The following GRID1 variants were observed in gnomAD, a reference collection of about 807,000 sequenced individuals.
GRID1 encodes glutamate receptor ionotropic, delta-1.
Under a neutral mutation model 98.0 loss-of-function variants are expected in GRID1, and 28 were observed. That is an observed-to-expected ratio of 0.29 (90% CI 0.21 to 0.39). The LOEUF (loss-of-function observed/expected upper bound fraction) is 0.39. Ranked by LOEUF, GRID1 falls within the 10% of genes least tolerant of loss-of-function variation. The probability of loss-of-function intolerance (pLI) is 1.00; values close to 1 mark genes in which losing one functional copy is unlikely to be tolerated. For synonymous variants in GRID1, 553 were observed against 538.5 expected, an observed-to-expected ratio of 1.03 and a Z score of -0.37; for missense variants, 1,111 against 1,340.5, an observed-to-expected ratio of 0.83 and a Z score of 2.67.
intron 12 of GRID1, among the ~76,000 whole-genome samples, chr10:85,664,035 T>G (rs1215035754): frequency 1.3e-5 from 2 of 152,194 alleles, no homozygotes; most frequent in Non-Finnish European, 2.9e-5. Context: ...CCTGGCGCCA[T>G]GCTTCTTGAG....
chr10:86,159,102 G>A (rs560459478), intron 3 of GRID1, among the ~76,000 whole-genome samples: 34 of 152,224 alleles, frequency 2.2e-4, no homozygotes, highest in African/African-American at 8.2e-4. Flanking sequence ...CACCGTGTTA[G>A]TCAGGATGGT....
intron 4 of GRID1, among the ~76,000 whole-genome samples, chr10:85,974,098 C>A (rs746682872): frequency 6.6e-6 from 1 of 152,128 alleles, no homozygotes; most frequent in African/African-American, 2.4e-5. Flanking sequence ...GGTAGGTGGA[C>A]GCCTGCTTTC....
intron 15 of GRID1, among the ~76,000 whole-genome samples, chr10:85,602,930 A>G (rs372169873): frequency 2.0e-5 from 3 of 152,308 alleles, no homozygotes; most frequent in East Asian, 3.9e-4. Context: ...GATGCCATCA[A>G]CAGGCCTTGG....
Position 86,294,158 on chromosome 10 carries a change from G to A in GRID1, c.235+69783C>T, listed in dbSNP as rs530039322. ...CAGAAAGTGAGGGTAGAGGCTTCACGGAGTCCTGGGGCAAGCTCTGGGGTT... is the reference window on the plus strand; with the variant it reads ...CAGAAAGTGAGGGTAGAGGCTTCACAGAGTCCTGGGGCAAGCTCTGGGGTT... On this transcript the variant is annotated intron_variant, in intron 2 of 15. Coordinates refer to ENST00000327946, the MANE Select transcript of GRID1 (RefSeq NM_017551.3). Among the ~76,000 whole-genome samples the A allele has an allele frequency of 3.9e-5, 6 of 152,232 alleles. No individual in the cohort carries two copies. In the East Asian group the frequency reaches 7.8e-4, roughly 20 times the overall value.
chr10:86,272,769 C>T (rs554353420), intron 2 of GRID1, among the ~76,000 whole-genome samples: 1 of 152,260 alleles, frequency 6.6e-6, no homozygotes, highest in South Asian at 2.1e-4. Context: ...AAGTGGTACA[C>T]TCAAAAGTAC....
intron 2 of GRID1, among the ~76,000 whole-genome samples, chr10:86,239,594 A>AT (rs1846595695): frequency 6.6e-6 from 1 of 152,162 alleles, no homozygotes; most frequent in Non-Finnish European, 1.5e-5. Flanking sequence ...GTGGGAGGTG[A>AT]TTGGATCATG....
At chr10:86,119,423 G>A (rs1278743746) in intron 4 of GRID1, among the ~76,000 whole-genome samples, 2 of 152,136 alleles carry the variant, frequency 1.3e-5, no homozygotes, top group African/African-American at 2.4e-5. Context: ...CCCTAATTAT[G>A]ACAAATGTTC....
At chr10:86,036,313 G>A (rs1843260719) in intron 4 of GRID1, among the ~76,000 whole-genome samples, 1 of 152,182 alleles carries the variant, frequency 6.6e-6, no homozygotes, top group Non-Finnish European at 1.5e-5. Flanking sequence ...GGTTTTCTTG[G>A]CTGGTTGCTG....
At chr10:85,673,800 C>T (rs191081536) in intron 12 of GRID1, among the ~76,000 whole-genome samples, 2 of 152,310 alleles carry the variant, frequency 1.3e-5, no homozygotes, top group Admixed American at 1.3e-4. Context: ...ATGATCTGGA[C>T]TTGAACAAAT....
chr10:86,236,658 A>T (rs1245068469), intron 2 of GRID1, among the ~76,000 whole-genome samples: 1 of 152,238 alleles, frequency 6.6e-6, no homozygotes, highest in Non-Finnish European at 1.5e-5. Context: ...AGCAAAGTGC[A>T]ATATCAGCAG....
chr10:86,351,790 G>A (rs191473743), intron 2 of GRID1, among the ~76,000 whole-genome samples: 5 of 152,306 alleles, frequency 3.3e-5, no homozygotes, highest in Admixed American at 6.5e-5. Flanking sequence ...CACTGGCCAG[G>A]TGACATCATG....
rs143248424 is a variant in GRID1 at position 85,885,505 on chromosome 10, G to A, written c.781-16325C>T. On this transcript the variant is annotated intron_variant, in intron 5 of 15. Transcript: ENST00000327946. The stretch of plus-strand genomic sequence containing the variant: ...TGATGAATTACTGATATGGAGGCTA[G>A]TAATGGTTTCTAAAGTGCTCCTTTT... 1.0e-3 allele frequency among the ~76,000 whole-genome samples: 158 copies of A among 152,328 alleles called. 1 individual carries two copies. Among genetic ancestry groups the A allele is most frequent in the African/African-American group, 3.5e-3 (144 of 41,566 alleles).
At chr10:85,859,545 C>T (rs1379769694) in intron 6 of GRID1, among the ~76,000 whole-genome samples, 1 of 152,062 alleles carries the variant, frequency 6.6e-6, no homozygotes. Context: ...AGATTTTATC[C>T]CTCCAACTTT....
intron 2 of GRID1, among the ~76,000 whole-genome samples, chr10:86,269,896 C>T (rs140552348): frequency 0.012 from 1,865 of 152,258 alleles, 40 homozygotes; most frequent in African/African-American, 0.04. Context: ...CACTGTACTA[C>T]GGGCACTAAG....
At chr10:85,885,712 GC>G (rs1841107268) in intron 5 of GRID1, among the ~76,000 whole-genome samples, 2 of 152,196 alleles carry the variant, frequency 1.3e-5, no homozygotes, top group African/African-American at 4.8e-5. Context: ...CTACCATGCA[GC>G]TAGAAAGATG....
At chr10:86,242,270 G>A (rs1420380365) in intron 2 of GRID1, among the ~76,000 whole-genome samples, 1 of 152,200 alleles carries the variant, frequency 6.6e-6, no homozygotes, top group African/African-American at 2.4e-5. Context: ...GATCGGAGGA[G>A]GACAATGGCA....
chr10:85,886,242 G>A (rs1048264126), intron 5 of GRID1, among the ~76,000 whole-genome samples: 2 of 152,204 alleles, frequency 1.3e-5, no homozygotes, highest in African/African-American at 4.8e-5. Flanking sequence ...CTGGATGTTT[G>A]AGTCCTGAGC....
At chr10:85,610,363 T>C (rs1250921421) in intron 15 of GRID1, among the ~76,000 whole-genome samples, 1 of 152,174 alleles carries the variant, frequency 6.6e-6, no homozygotes, top group Admixed American at 6.5e-5. Flanking sequence ...CCCGTATCCT[T>C]CCCCAGCCTC....
At chr10:85,778,661 C>T (rs1029108921) in intron 8 of GRID1, among the ~76,000 whole-genome samples, 15 of 152,228 alleles carry the variant, frequency 9.9e-5, no homozygotes, top group Admixed American at 7.8e-4. Context: ...CAACAGAAAA[C>T]CAAGAATTCC....
Sources: gnomAD v4.1 joint callset for allele counts (sites outside exome capture counted in the v4.1 genomes callset) on GRCh38, gnomAD v4.1.1 for gene constraint, MANE v1.5 for transcripts, NCBI Gene and HGNC (gene_info 2026-07-23, HGNC 2026-07-21) for gene names.